Variants in ACAP1 observed in about 807,000 individuals in gnomAD.
ACAP1 encodes arf-GAP with coiled-coil, ANK repeat and PH domain-containing protein 1.
A neutral mutation model predicts 98.8 loss-of-function variants in ACAP1; 45 were observed. That is an observed-to-expected ratio of 0.46 (90% CI 0.36 to 0.58). The LOEUF is 0.58. Among genes scored for constraint, ACAP1 ranks in the 20% least tolerant of loss-of-function variants. ACAP1 has a pLI of 0.00. For synonymous variants in ACAP1, 362 were observed against 375.3 expected (o/e 0.96, Z 0.41); for missense variants, 735 against 971.4 (o/e 0.76, Z 3.24).
chr17:7,343,796 C>G lies in ACAP1; in HGVS notation c.573+46C>G. On this transcript the variant is annotated intron_variant, in intron 7 of 21. Transcript: ENST00000158762. This position sits in a 1 kb window ranked among gnomAD's most constrained non-coding sequence, Gnocchi z 4.9. ...GGGCAGGGTGGAGAAGAGCCTGCTGCCAGCACAAGGGAATGGGGAGAGGGG... is the reference window on the plus strand; with the variant it reads ...GGGCAGGGTGGAGAAGAGCCTGCTGGCAGCACAAGGGAATGGGGAGAGGGG... 6.2e-7 allele frequency: 1 copy of G among 1,612,882 alleles called. No homozygotes were observed. The highest frequency in any genetic ancestry group is 1.1e-5 in the South Asian group (1 of 90,968).
At chr17:7,351,187 T>G in intron 21 of ACAP1, 108 bp from the exon 22 acceptor site, 1 of 1,145,230 alleles carries the variant, frequency 8.7e-7, no homozygotes, top group Non-Finnish European at 1.3e-6. Flanking sequence ...GGCGCGCACG[T>G]TCCCACCCAG....
In ACAP1 at chr17:7,350,471, A is replaced by T; in HGVS notation, c.2072+234A>T. The T allele has an allele frequency of 3.5e-6, 2 of 573,182 alleles. No homozygotes were observed. The highest frequency in any genetic ancestry group is 6.2e-6 in the Non-Finnish European group (2 of 322,272). The allele number at this position is 573,182 out of a possible 1,614,324, so 35.5% of individuals were successfully genotyped here. On this transcript the variant is annotated intron_variant, in intron 20 of 21. Coordinates refer to ENST00000158762, the MANE Select transcript of ACAP1 (RefSeq NM_014716.4). The surrounding 1 kb of genome is among the most constrained non-coding windows in gnomAD (Gnocchi z 4.6). The stretch of plus-strand genomic sequence containing the variant: ...GGCAGGGTGCAAGGATGCTTGGCCC[A>T]CCCTGAGAGGCGTAATTCGCCCATC...
At chr17:7,351,241 C>T (rs1676328430) in intron 21 of ACAP1, 54 bp from the exon 22 acceptor site, 1 of 1,470,616 alleles carries the variant, frequency 6.8e-7, no homozygotes. Flanking sequence ...CCGCCGGATC[C>T]TGCCCTTCTG....
In ACAP1 at chr17:7,351,427, C is replaced by T; in HGVS notation, c.*32C>T. The T allele has an allele frequency of 6.6e-7, 1 of 1,525,144 alleles. No homozygotes were observed. The highest frequency in any genetic ancestry group is 1.4e-5 in the African/African-American group (1 of 72,694). The allele number at this position is 1,525,144 out of a possible 1,614,324, so 94.5% of individuals were successfully genotyped here. A position where few individuals can be genotyped will look rare whatever the true frequency, so the allele number is the denominator to read the frequency against. On this transcript the variant is annotated 3_prime_UTR_variant, in exon 22 of 22. Transcript: ENST00000158762. ...GCCCACGGGGCCCGCGCCTGCCTCCCTTCCCCGCCACCGGGCCCTCTGCCA... is the reference window on the plus strand; with the variant it reads ...GCCCACGGGGCCCGCGCCTGCCTCCTTTCCCCGCCACCGGGCCCTCTGCCA...
At position 7,343,707 on chromosome 17, in the gene ACAP1, T is replaced by C. The variant is rs781505892; in HGVS notation, c.530T>C (p.Ile177Thr). The change falls in exon 7 of 22, where the codon ATC becomes ACC. Residue 177 changes from isoleucine to threonine, a missense_variant and splice_region_variant. This residue lies in a region of ACAP1 where 430 missense variants were observed against 531.8 expected (regional missense o/e 0.81). Coordinates refer to ENST00000158762, the MANE Select transcript of ACAP1 (RefSeq NM_014716.4). The surrounding 1 kb of genome is among the most constrained non-coding windows in gnomAD (Gnocchi z 4.9). The stretch of plus-strand genomic sequence containing the variant: ...TTACGTCCTCTTTTACGTCCTCAGA[T>C]CAACGTGATTGAGGACAAGAGGAAG... ...RGRALDYALQ[I>T]NVIEDKRKFD... 1 of 1,613,976 alleles carries C rather than the reference T, an allele frequency of 6.2e-7. No individual in the cohort carries two copies. Among genetic ancestry groups the C allele is most frequent in the Non-Finnish European group, 8.5e-7 (1 of 1,179,908 alleles).
intron 2 of ACAP1, among the ~76,000 whole-genome samples, 187 bp from the exon 3 acceptor site, chr17:7,341,761 A>G (rs2073281479): frequency 6.6e-6 from 1 of 152,210 alleles, no homozygotes; most frequent in African/African-American, 2.4e-5. Context: ...GCAAAGACGC[A>G]GCGATAAGAA....
chr17:7,343,914 G>T lies in ACAP1; in HGVS notation c.627G>T (p.Glu209Asp). The T allele has an allele frequency of 6.2e-7, 1 of 1,607,760 alleles. No homozygotes were observed. The highest frequency in any genetic ancestry group is 1.3e-5 in the African/African-American group (1 of 74,872). ...QATHFQQGHE[E>D]LSRLSQYRKE... ...CCCATTTCCAGCAGGGCCATGAGGA[G>T]CTGAGCCGGCTGTCCCAGTATCGAA... The change falls in exon 8 of 22, where the codon GAG (glutamate) becomes GAT (aspartate). Residue 209 changes from glutamate to aspartate, a missense_variant. Around this residue, in one of 5 missense-constraint regions of ACAP1, gnomAD observed 430 missense variants for 531.8 expected, o/e 0.81. Transcript: ENST00000158762. The surrounding 1 kb of genome is among the most constrained non-coding windows in gnomAD (Gnocchi z 4.9).
At chr17:7,347,646 T>A in intron 14 of ACAP1, 1 of 566,334 alleles carries the variant, frequency 1.8e-6, no homozygotes, top group Non-Finnish European at 3.2e-6. Flanking sequence ...CAGGCCAAAG[T>A]GTCACAAGTG....
In ACAP1 at chr17:7,346,249, G is replaced by T; in HGVS notation, c.860G>T (p.Trp287Leu). Residue 287 changes from tryptophan (W) to leucine (L), a missense_variant, in exon 11 of 22, where the codon TGG (tryptophan) becomes TTG (leucine). By Grantham distance (61) the Trp-to-Leu change is moderately conservative. This residue lies in a region of ACAP1 where 430 missense variants were observed against 531.8 expected (regional missense o/e 0.81). Coordinates refer to ENST00000158762, the MANE Select transcript of ACAP1 (RefSeq NM_014716.4). ...SNAFKTWSRR[W>L]FTIQSNQLVY... is the part of the protein sequence containing the mutation. Reference sequence around the variant, plus strand: ...ATGATTTCCTTCTCTTACAGACGCTGGTTCACCATTCAGAGCAACCAACTG... The same window carrying T: ...ATGATTTCCTTCTCTTACAGACGCTTGTTCACCATTCAGAGCAACCAACTG... 1 of 1,614,154 alleles carries T rather than the reference G, an allele frequency of 6.2e-7. No individual in the cohort carries two copies. Among genetic ancestry groups the T allele is most frequent in the Non-Finnish European group, 8.5e-7 (1 of 1,180,008 alleles).
chr17:7,346,842 C>T lies in ACAP1; in HGVS notation c.1042C>T (p.Leu348=). 5 of 1,613,500 alleles carry T rather than the reference C, an allele frequency of 3.1e-6. No homozygotes were observed. Among genetic ancestry groups the T allele is most frequent in the Non-Finnish European group, 4.2e-6 (5 of 1,179,492 alleles). ...CCTCCAGGCTGACTCAGAGCGCCTCCTGCAGCTGTGGGTCAGTGCTGTGCA... is the reference window on the plus strand; with the variant it reads ...CCTCCAGGCTGACTCAGAGCGCCTCTTGCAGCTGTGGGTCAGTGCTGTGCA... ...CLLQADSERL[L]QLWVSAVQSS... is the part of the protein sequence containing the mutation. Residue 348 remains leucine, a synonymous_variant, in exon 13 of 22, where the codon CTG becomes TTG. Coordinates refer to ENST00000158762, the MANE Select transcript of ACAP1 (RefSeq NM_014716.4).
At chr17:7,347,379 CCAGGCCTGG>C (rs1327835729) in intron 14 of ACAP1, 137 bp downstream of exon 14, 1 of 923,240 alleles carries the variant, frequency 1.1e-6, no homozygotes, top group African/African-American at 1.7e-5. Context: ...TCACTGGGTA[CCAGGCCTGG>C]GCCCAAGCCT....
chr17:7,344,462 C>T lies in ACAP1; in HGVS notation c.745-77C>T, dbSNP rs149530986. The stretch of plus-strand genomic sequence containing the variant: ...AAAAAGCAGAAAGTAAGGGCTAGGG[C>T]TGTGGGCAGGAGGCAGATGCCTATG... On this transcript the variant is annotated intron_variant, in intron 9 of 21. Transcript: ENST00000158762. This position sits in a 1 kb window ranked among gnomAD's most constrained non-coding sequence, Gnocchi z 4.9. 544 of 1,020,186 alleles carry T rather than the reference C, an allele frequency of 5.3e-4. 2 individuals carry two copies. The Middle Eastern group carries it at 0.014, about 27-fold the overall frequency. The allele number at this position is 1,020,186 out of a possible 1,614,324, so 63.2% of individuals were successfully genotyped here.
intron 2 of ACAP1, among the ~76,000 whole-genome samples, 189 bp from the exon 3 acceptor site, chr17:7,341,759 G>A (rs1043238683): frequency 3.9e-5 from 6 of 152,210 alleles, no homozygotes; most frequent in Admixed American, 1.3e-4. Flanking sequence ...GAGCAAAGAC[G>A]CAGCGATAAG....
rs996571307 is a variant in ACAP1 at position 7,347,950 on chromosome 17, C to T, written c.1372C>T (p.Arg458Trp). The T allele has an allele frequency of 6.8e-6, 11 of 1,614,068 alleles. No individual in the cohort carries two copies. Among genetic ancestry groups the T allele is most frequent in the Non-Finnish European group, 9.3e-6 (11 of 1,180,024 alleles). ...RSLGVHFSKV[R>W]SLTLDSWEPE... Reference sequence around the variant, plus strand: ...CCTTGGTGTTCACTTCTCCAAAGTCCGGTCTCTGACCCTTGACTCATGGGA... The same window carrying T: ...CCTTGGTGTTCACTTCTCCAAAGTCTGGTCTCTGACCCTTGACTCATGGGA... The change falls in exon 15 of 22, where the codon CGG becomes TGG. Residue 458 changes from arginine to tryptophan, a missense_variant. Around this residue, in one of 5 missense-constraint regions of ACAP1, gnomAD observed 81 missense variants for 132.0 expected, o/e 0.61. Coordinates refer to ENST00000158762, the MANE Select transcript of ACAP1 (RefSeq NM_014716.4).
chr17:7,347,452 C>G, intron 14 of ACAP1: 1 of 553,574 alleles, frequency 1.8e-6, no homozygotes. Flanking sequence ...CCTAGTCTGG[C>G]CAGAATTGGG....
chr17:7,350,069 A>G lies in ACAP1; in HGVS notation c.1961+15A>G, dbSNP rs758604340. The G allele has an allele frequency of 6.2e-7, 1 of 1,613,182 alleles. No homozygotes were observed. The highest frequency in any genetic ancestry group is 1.1e-5 in the South Asian group (1 of 91,048). On this transcript the variant is annotated intron_variant, in intron 19 of 21. Coordinates refer to ENST00000158762, the MANE Select transcript of ACAP1 (RefSeq NM_014716.4). This position sits in a 1 kb window ranked among gnomAD's most constrained non-coding sequence, Gnocchi z 4.6. ...GGCCACACGGGGTAGGGATGATGGC[A>G]TGGGGAGGAAGGCTGGGAGAAGTTG...
chr17:7,350,018 G>A lies in ACAP1; in HGVS notation c.1925G>A (p.Gly642Asp), dbSNP rs2073387260. The change falls in exon 19 of 22, where the codon GGC becomes GAC. Residue 642 changes from glycine (G) to aspartate (D), a missense_variant. Physicochemically the swap from Gly to Asp is moderately conservative, Grantham distance 94. Coordinates refer to ENST00000158762, the MANE Select transcript of ACAP1 (RefSeq NM_014716.4). This position sits in a 1 kb window ranked among gnomAD's most constrained non-coding sequence, Gnocchi z 4.6. ...NVNQADSAGR[G>D]PLHHATILGH... The stretch of plus-strand genomic sequence containing the variant: ...AACCAAGCGGACAGTGCGGGCCGGG[G>A]CCCGCTGCACCACGCAACCATTCTT... 6.2e-7 allele frequency: 1 copy of A among 1,613,400 alleles called. No individual in the cohort carries two copies. Among genetic ancestry groups the A allele is most frequent in the Non-Finnish European group, 8.5e-7 (1 of 1,179,522 alleles).
intron 11 of ACAP1, 40 bp from the exon 12 acceptor site, chr17:7,346,351 G>T (rs1264000421): frequency 6.2e-7 from 1 of 1,613,784 alleles, no homozygotes; most frequent in Non-Finnish European, 8.5e-7. Context: ...GCTCTTGCCT[G>T]CAGCTGGACA....
rs201132583 is a variant in ACAP1, at chr17:7,343,575, A to G, written c.528+13A>G. 6 of 1,607,060 alleles carry G rather than the reference A, an allele frequency of 3.7e-6. No individual in the cohort carries two copies. The highest frequency in any genetic ancestry group is 3.4e-5 in the Admixed American group (2 of 59,654). On this transcript the variant is annotated intron_variant, in intron 6 of 21. Coordinates refer to ENST00000158762, the MANE Select transcript of ACAP1 (RefSeq NM_014716.4). The surrounding 1 kb of genome is among the most constrained non-coding windows in gnomAD (Gnocchi z 4.9). ...TTATGCCCTGCAGGTGCCTGCCCCA[A>G]TCTGTCTTCCTGGGGTACCAGAGCC...
Sources: allele counts gnomAD v4.1 joint callset (sites outside exome capture counted in the v4.1 genomes callset), GRCh38; gene constraint gnomAD v4.1.1; regional missense constraint gnomAD v4.1.1; non-coding constraint Gnocchi (gnomAD v3.1); transcripts MANE v1.5; gene names NCBI Gene and HGNC (gene_info 2026-07-23, HGNC 2026-07-21).